The following AGBL4 variants were observed in gnomAD, a reference collection of about 807,000 sequenced individuals.
AGBL4 encodes cytosolic carboxypeptidase 6.
A neutral mutation model predicts 66.4 loss-of-function variants in AGBL4; 58 were observed. The observed-to-expected ratio is 0.87, with a 90% CI of 0.71 to 1.09. The LOEUF (loss-of-function observed/expected upper bound fraction) is 1.09. AGBL4 is among the 50% of genes least tolerant of loss of function. The probability of loss-of-function intolerance (pLI) is 0.00; values close to 1 mark genes in which losing one functional copy is unlikely to be tolerated. For synonymous variants in AGBL4, 234 were observed against 222.9 expected, an observed-to-expected ratio of 1.05 and a Z score of -0.44; for missense variants, 579 against 631.0, an observed-to-expected ratio of 0.92 and a Z score of 0.88.
At chr1:48,569,384 C>T (rs564943688) in intron 11 of AGBL4, among the ~76,000 whole-genome samples, 1 of 152,348 alleles carries the variant, frequency 6.6e-6, no homozygotes, top group Non-Finnish European at 1.5e-5. Context: ...TTCACTCTCA[C>T]ACTTTCACAG....
intron 11 of AGBL4, among the ~76,000 whole-genome samples, chr1:48,569,049 A>G (rs1363182826): frequency 1.3e-5 from 2 of 152,140 alleles, no homozygotes; most frequent in Non-Finnish European, 2.9e-5. Context: ...TTTGATTTCA[A>G]TGTGCTCACC....
intron 2 of AGBL4, among the ~76,000 whole-genome samples, chr1:49,803,965 T>C (rs1418764462): frequency 6.6e-6 from 1 of 152,210 alleles, no homozygotes; most frequent in African/African-American, 2.4e-5. Flanking sequence ...ATGTGTGGTT[T>C]AAATTCATGC....
intron 3 of AGBL4, among the ~76,000 whole-genome samples, chr1:49,628,204 C>A (rs1410774077): frequency 6.6e-6 from 1 of 152,218 alleles, no homozygotes; most frequent in South Asian, 2.1e-4. Context: ...TAGTGATTCT[C>A]CTTTTGCAGC....
At chr1:48,898,324 T>C (rs1196333534) in intron 5 of AGBL4, among the ~76,000 whole-genome samples, 1 of 152,246 alleles carries the variant, frequency 6.6e-6, no homozygotes, top group African/African-American at 2.4e-5. Flanking sequence ...CTCATTTGTC[T>C]GTTTTTGCTT....
At chr1:48,782,378 T>C (rs1645316848) in intron 6 of AGBL4, among the ~76,000 whole-genome samples, 1 of 152,236 alleles carries the variant, frequency 6.6e-6, no homozygotes, top group African/African-American at 2.4e-5. Context: ...AGCTGAAGCA[T>C]GTTCAGTGGC....
chr1:49,706,551 T>C (rs567659604), intron 2 of AGBL4, among the ~76,000 whole-genome samples: 3 of 152,168 alleles, frequency 2.0e-5, no homozygotes, highest in Admixed American at 6.5e-5. Context: ...TCTCCTTCAG[T>C]TCTGCCCTGA....
intron 2 of AGBL4, among the ~76,000 whole-genome samples, chr1:49,755,118 AG>A (rs1651793539): frequency 6.6e-6 from 1 of 152,198 alleles, no homozygotes; most frequent in South Asian, 2.1e-4. Context: ...ACCAGGGCCT[AG>A]CCAAGTTGAG....
chr1:49,327,834 T>G (rs983880987), intron 3 of AGBL4, among the ~76,000 whole-genome samples: 1 of 152,198 alleles, frequency 6.6e-6, no homozygotes, highest in Admixed American at 6.5e-5. Context: ...TGGTTAAAAC[T>G]GAATCTTAAT....
chr1:48,997,708 T>G (rs528484048), intron 5 of AGBL4, among the ~76,000 whole-genome samples: 3 of 152,312 alleles, frequency 2.0e-5, no homozygotes, highest in African/African-American at 7.2e-5. Flanking sequence ...CTAAAATTTC[T>G]TACCCATAAT....
At chr1:49,489,460 C>A (rs1033332841) in intron 3 of AGBL4, among the ~76,000 whole-genome samples, 3 of 151,702 alleles carry the variant, frequency 2.0e-5, no homozygotes, top group Admixed American at 6.6e-5. Flanking sequence ...ATAGTTTGCA[C>A]ATATTTTCTC....
intron 6 of AGBL4, among the ~76,000 whole-genome samples, chr1:48,833,190 G>C (rs1646595050): frequency 6.6e-6 from 1 of 152,190 alleles, no homozygotes; most frequent in African/African-American, 2.4e-5. Flanking sequence ...GTGTGCAGAG[G>C]CTGGAAGAGT....
intron 3 of AGBL4, among the ~76,000 whole-genome samples, chr1:49,285,323 G>A (rs1644378888): frequency 6.6e-6 from 1 of 152,024 alleles, no homozygotes; most frequent in Admixed American, 6.6e-5. Context: ...TGAAACCAAC[G>A]AGAACAAAGA....
intron 1 of AGBL4, among the ~76,000 whole-genome samples, chr1:49,966,485 C>T (rs1657575145): frequency 6.6e-6 from 1 of 152,126 alleles, no homozygotes. Context: ...GTAAATGCTG[C>T]TGCTGAAAAC....
intron 1 of AGBL4, among the ~76,000 whole-genome samples, chr1:49,948,973 CA>C (rs1457766872): frequency 6.6e-6 from 1 of 151,754 alleles, no homozygotes; most frequent in Non-Finnish European, 1.5e-5. Context: ...GTCACCAAAA[CA>C]GCATAGTACT....
intron 3 of AGBL4, among the ~76,000 whole-genome samples, chr1:49,580,432 T>C (rs1644520424): frequency 6.6e-6 from 1 of 152,214 alleles, no homozygotes; most frequent in South Asian, 2.1e-4. Context: ...TGTAGTGGAA[T>C]TCTGTAATGG....
chr1:48,890,270 C>T (rs778635397), intron 5 of AGBL4, among the ~76,000 whole-genome samples: 16 of 152,142 alleles, frequency 1.1e-4, no homozygotes, highest in Non-Finnish European at 1.8e-4. Flanking sequence ...GTGGTTTAGC[C>T]TCCAAGCTTC....
At chr1:49,920,395 A>C (rs1056863500) in intron 1 of AGBL4, among the ~76,000 whole-genome samples, 8 of 152,224 alleles carry the variant, frequency 5.3e-5, no homozygotes, top group African/African-American at 1.9e-4. Context: ...ATTTACAAGA[A>C]AAGAAATAAA....
chr1:49,669,402 T>A (rs1558148968), intron 3 of AGBL4, among the ~76,000 whole-genome samples: 1 of 152,064 alleles, frequency 6.6e-6, no homozygotes, highest in Non-Finnish European at 1.5e-5. Context: ...TATTCAAAAG[T>A]TTTCACCTCA....
At chr1:49,546,446 C>T (rs1378004592) in intron 3 of AGBL4, among the ~76,000 whole-genome samples, 4 of 151,842 alleles carry the variant, frequency 2.6e-5, no homozygotes, top group Non-Finnish European at 4.4e-5. Context: ...CATGATTTTG[C>T]AACTGTGAAT....
Sources: allele counts gnomAD v4.1 joint callset (sites outside exome capture counted in the v4.1 genomes callset), GRCh38; gene constraint gnomAD v4.1.1; transcripts MANE v1.5; gene names NCBI Gene and HGNC (gene_info 2026-07-23, HGNC 2026-07-21).